GPD2: variants seen among roughly 807,000 people sequenced by gnomAD.
The protein encoded by GPD2 is glycerol-3-phosphate dehydrogenase, mitochondrial.
Under a neutral mutation model 82.4 loss-of-function variants are expected in GPD2, and 54 were observed. The observed-to-expected ratio is 0.66, with a 90% CI of 0.53 to 0.82. The LOEUF (loss-of-function observed/expected upper bound fraction) is 0.82, where lower values mean the gene tolerates loss of function less well. Among genes scored for constraint, GPD2 ranks in the 40% least tolerant of loss-of-function variants. The pLI is 0.00. For missense variants in GPD2, 748 were observed against 896.2 expected (o/e 0.83, Z 2.11); for synonymous variants, 288 against 306.1 (o/e 0.94, Z 0.62).
chr2:156,463,172 T>C (rs1683046530), intron 1 of GPD2, among the ~76,000 whole-genome samples: 1 of 152,204 alleles, frequency 6.6e-6, no homozygotes, highest in African/African-American at 2.4e-5. Flanking sequence ...CATGTACATA[T>C]GGATGGCTGT....
chr2:156,466,057 G>A (rs1476182964), intron 1 of GPD2, among the ~76,000 whole-genome samples: 3 of 152,182 alleles, frequency 2.0e-5, no homozygotes, highest in African/African-American at 7.2e-5. Context: ...TGGCATTTTT[G>A]TGAAGGAATG....
chr2:156,552,027 A>G (rs1157490612), intron 8 of GPD2, among the ~76,000 whole-genome samples: 4 of 152,220 alleles, frequency 2.6e-5, no homozygotes, highest in South Asian at 2.1e-4. Context: ...CTGCTATGCT[A>G]TAGATCATGC....
intron 6 of GPD2, among the ~76,000 whole-genome samples, chr2:156,546,434 G>A (rs1686539388): frequency 6.6e-6 from 1 of 152,138 alleles, no homozygotes; most frequent in Admixed American, 6.5e-5. Context: ...GGGGAAATTA[G>A]TTAGGAATAA....
chr2:156,538,922 T>C (rs1686192886), intron 6 of GPD2, among the ~76,000 whole-genome samples: 1 of 152,130 alleles, frequency 6.6e-6, no homozygotes. Flanking sequence ...CAATATCTGT[T>C]AAAGATATCT....
intron 2 of GPD2, among the ~76,000 whole-genome samples, chr2:156,487,177 G>A (rs1683976895): frequency 6.6e-6 from 1 of 151,858 alleles, no homozygotes; most frequent in African/African-American, 2.4e-5. Flanking sequence ...GTGGTGGCGG[G>A]GGGCGCCTGT....
chr2:156,460,129 A>G (rs139958426), intron 1 of GPD2, among the ~76,000 whole-genome samples: 3 of 152,356 alleles, frequency 2.0e-5, no homozygotes, highest in East Asian at 1.9e-4. Flanking sequence ...TTTATCTCAG[A>G]CATTATCTCA....
intron 2 of GPD2, among the ~76,000 whole-genome samples, chr2:156,492,414 A>G (rs1684214401): frequency 6.7e-6 from 1 of 150,280 alleles, no homozygotes; most frequent in Non-Finnish European, 1.5e-5. Flanking sequence ...TGGTCTCCCA[A>G]AGTGCTGGGA....
At chr2:156,400,762 T>C in the GPD2 span, among the ~76,000 whole-genome samples, 1 of 152,236 alleles carries the variant, frequency 6.6e-6, no homozygotes, top group African/African-American at 2.4e-5. Context: ...AAATATGCTT[T>C]CGGCTGGGGG....
chr2:156,579,357 C>T (rs1180168331), intron 15 of GPD2, among the ~76,000 whole-genome samples, 193 bp downstream of exon 15: 1 of 139,860 alleles, frequency 7.2e-6, no homozygotes, highest in African/African-American at 2.7e-5. Context: ...GACAGAGTCT[C>T]ACTCTGTTGC....
chr2:156,582,998 C>A lies in GPD2; in HGVS notation c.*80C>A. 1 of 1,454,022 alleles carries A rather than the reference C, an allele frequency of 6.9e-7. No homozygotes were observed. The highest frequency in any genetic ancestry group is 9.6e-7 in the Non-Finnish European group (1 of 1,038,132). 90.1% of individuals were successfully genotyped at this position (1,454,022 alleles called of 1,614,324 possible). ...ACAACCAGAGATGACTGAAACCACTCTGAAATAATGAATGTGGATAGCTGC... is the reference window on the plus strand; with the variant it reads ...ACAACCAGAGATGACTGAAACCACTATGAAATAATGAATGTGGATAGCTGC... On this transcript the variant is annotated 3_prime_UTR_variant, in exon 17 of 17. Transcript: ENST00000438166.
rs1688121481 is a variant in GPD2 at position 156,583,908 on chromosome 2, T to A, written c.*990T>A. On this transcript the variant is annotated 3_prime_UTR_variant, in exon 17 of 17. Coordinates refer to ENST00000438166, the MANE Select transcript of GPD2 (RefSeq NM_000408.5). ...AGCATGTGGTATTGTCAAATCTAGC[T>A]TACCATCTTTTTTGGGGGTACTTGC... 6.6e-6 allele frequency: 1 copy of A among 152,426 alleles called. No homozygotes were observed. The highest frequency in any genetic ancestry group is 2.4e-5 in the African/African-American group (1 of 41,414). The allele number at this position is 152,426 out of a possible 1,614,324, so 9.4% of individuals were successfully genotyped here.
chr2:156,425,168 C>T, the GPD2 span, among the ~76,000 whole-genome samples: 4 of 151,826 alleles, frequency 2.6e-5, no homozygotes, highest in African/African-American at 4.8e-5. Flanking sequence ...GTAATCCTGC[C>T]TCACTGTAAC....
chr2:156,416,514 G>GTTTTTT, the GPD2 span, among the ~76,000 whole-genome samples: 1 of 117,926 alleles, frequency 8.5e-6, no homozygotes, highest in Non-Finnish European at 1.8e-5. Flanking sequence ...TGCCCAGCTA[G>GTTTTTT]TTTTTTTTTT....
chr2:156,531,376 A>G (rs1396159883), intron 6 of GPD2, among the ~76,000 whole-genome samples: 1 of 152,202 alleles, frequency 6.6e-6, no homozygotes, highest in East Asian at 1.9e-4. Flanking sequence ...CAGGAGAGTA[A>G]GTGGCAACTG....
chr2:156,569,859 G>A (rs1392847710), intron 11 of GPD2, among the ~76,000 whole-genome samples: 1 of 152,092 alleles, frequency 6.6e-6, no homozygotes, highest in Non-Finnish European at 1.5e-5. Context: ...TGAAGCTGAA[G>A]CTTCATCAGT....
chr2:156,406,501 C>T, the GPD2 span, among the ~76,000 whole-genome samples: 1 of 152,184 alleles, frequency 6.6e-6, no homozygotes, highest in African/African-American at 2.4e-5. Flanking sequence ...CCTGGGCTAC[C>T]CAGGAAACCT....
the GPD2 span, among the ~76,000 whole-genome samples, chr2:156,413,836 G>A: frequency 3.3e-5 from 5 of 152,058 alleles, no homozygotes; most frequent in African/African-American, 7.2e-5. Context: ...CCCAGGAAGC[G>A]GAGGTTGTGG....
chr2:156,565,794 C>T (rs1687367267), intron 9 of GPD2, among the ~76,000 whole-genome samples: 1 of 151,874 alleles, frequency 6.6e-6, no homozygotes, highest in Admixed American at 6.6e-5. Context: ...TATCTGTCAT[C>T]CAACATAGCT....
At chr2:156,575,150 T>C (rs887209291) in intron 13 of GPD2, among the ~76,000 whole-genome samples, 2 of 152,104 alleles carry the variant, frequency 1.3e-5, no homozygotes, top group Admixed American at 6.5e-5. Flanking sequence ...TAAAATACTG[T>C]AGCAAATAGG....
Sources: gnomAD v4.1 joint callset for allele counts (sites outside exome capture counted in the v4.1 genomes callset) on GRCh38, gnomAD v4.1.1 for gene constraint, MANE v1.5 for transcripts, NCBI Gene and HGNC (gene_info 2026-07-23, HGNC 2026-07-21) for gene names.